The following KLF8 variants were observed in gnomAD, a reference collection of about 807,000 sequenced individuals.
KLF8 encodes Krueppel-like factor 8.
Under a neutral mutation model 18.2 loss-of-function variants are expected in KLF8, and 10 were observed. The ratio of observed to expected loss-of-function variants is 0.55; its 90% CI spans 0.34 to 0.93. The LOEUF is 0.93. Ranked by LOEUF, KLF8 falls within the 40% of genes least tolerant of loss-of-function variation. KLF8 has a pLI of 0.02. For missense variants in KLF8, 264 were observed against 277.9 expected, an observed-to-expected ratio of 0.95 and a Z score of 0.36; for synonymous variants, 109 against 97.3, an observed-to-expected ratio of 1.12 and a Z score of -0.71.
chrX:56,177,738 G>T, the KLF8 span, among the ~76,000 whole-genome samples: 1 of 111,563 alleles, frequency 9.0e-6, no homozygotes, highest in African/African-American at 3.3e-5. Flanking sequence ...CTTGAGCTGA[G>T]GTGGGCTCCA....
chrX:56,067,242 C>G, the KLF8 span, among the ~76,000 whole-genome samples: 1 of 104,553 alleles, frequency 9.6e-6, no homozygotes, highest in African/African-American at 3.4e-5. Flanking sequence ...TACCAGATGC[C>G]TCTAGTCAGC....
the KLF8 span, among the ~76,000 whole-genome samples, chrX:56,040,816 T>G: frequency 1.8e-5 from 1 of 54,258 alleles, no homozygotes; most frequent in African/African-American, 1.2e-4. Context: ...TTTTTTTTTT[T>G]TTTTTTTTTT....
chrX:56,000,907 A>T, the KLF8 span, among the ~76,000 whole-genome samples: 1 of 111,752 alleles, frequency 8.9e-6, no homozygotes, highest in Non-Finnish European at 1.9e-5. Flanking sequence ...AAGCCACTGA[A>T]ACCAGCTCTG....
chrX:55,934,974 G>A, the KLF8 span, among the ~76,000 whole-genome samples: 2 of 111,501 alleles, frequency 1.8e-5, no homozygotes, highest in African/African-American at 6.5e-5. Context: ...AGTTGAAGGG[G>A]AGCCATATGC....
the KLF8 span, among the ~76,000 whole-genome samples, chrX:55,974,224 C>T: frequency 9.0e-6 from 1 of 111,152 alleles, no homozygotes; most frequent in Admixed American, 9.6e-5. Flanking sequence ...AAAAAACTAC[C>T]TGTTGGGTAC....
At chrX:56,263,569 C>T (rs2066917502) in intron 2 of KLF8, among the ~76,000 whole-genome samples, 1 of 111,121 alleles carries the variant, frequency 9.0e-6, no homozygotes, top group African/African-American at 3.3e-5. Flanking sequence ...CACTGCAGCG[C>T]TCTGAGGGTT....
At chrX:56,151,086 C>T in the KLF8 span, among the ~76,000 whole-genome samples, 1 of 110,871 alleles carries the variant, frequency 9.0e-6, no homozygotes, top group African/African-American at 3.3e-5. Flanking sequence ...AATAAGAACT[C>T]TAAGAAGTAT....
At chrX:55,960,256 C>A in the KLF8 span, among the ~76,000 whole-genome samples, 1 of 112,316 alleles carries the variant, frequency 8.9e-6, no homozygotes, top group African/African-American at 3.2e-5. Flanking sequence ...GTGGCTCACG[C>A]CTGTAATCCC....
chrX:55,936,980 C>A, the KLF8 span, among the ~76,000 whole-genome samples: 1 of 111,932 alleles, frequency 8.9e-6, no homozygotes, highest in Non-Finnish European at 1.9e-5. Flanking sequence ...GCAGCAGTAA[C>A]CTTTGCAGAC....
At chrX:55,908,861 C>G in the KLF8 span, 1 of 178,829 alleles carries the variant, frequency 5.6e-6, no homozygotes, top group African/African-American at 2.9e-5. Flanking sequence ...CCTTTTATCA[C>G]CCTCTCTGGG....
chrX:56,151,434 G>T, the KLF8 span, among the ~76,000 whole-genome samples: 1 of 111,626 alleles, frequency 9.0e-6, no homozygotes, highest in Non-Finnish European at 1.9e-5. Flanking sequence ...GAAATGAAGA[G>T]AAGTGAACAG....
the KLF8 span, among the ~76,000 whole-genome samples, chrX:55,910,218 ATTCATTCG>A: frequency 3.6e-5 from 4 of 111,841 alleles, no homozygotes; most frequent in Non-Finnish European, 7.5e-5. Flanking sequence ...ATATTCATTC[ATTCATTCG>A]TTCATTCATT....
At chrX:55,974,938 A>G in the KLF8 span, among the ~76,000 whole-genome samples, 6 of 112,245 alleles carry the variant, frequency 5.3e-5, no homozygotes, top group Non-Finnish European at 1.9e-5. Context: ...TCAGTGTTTT[A>G]CAGTTTTCAT....
chrX:56,147,313 G>T, the KLF8 span, among the ~76,000 whole-genome samples: 1 of 111,651 alleles, frequency 9.0e-6, no homozygotes, highest in Non-Finnish European at 1.9e-5. Context: ...ACTGTAAGGA[G>T]AATTTCTGGG....
the KLF8 span, among the ~76,000 whole-genome samples, chrX:56,081,412 G>T: frequency 2.7e-5 from 3 of 111,799 alleles, no homozygotes; most frequent in East Asian, 8.4e-4. Flanking sequence ...TTATATAAAG[G>T]ATCATGTATT....
the KLF8 span, among the ~76,000 whole-genome samples, chrX:56,221,081 CATA>C: frequency 8.9e-6 from 1 of 111,812 alleles, no homozygotes; most frequent in Non-Finnish European, 1.9e-5. Context: ...TGCACATAAG[CATA>C]ATAAGCCATA....
chrX:56,160,062 G>T, the KLF8 span, among the ~76,000 whole-genome samples: 1 of 111,848 alleles, frequency 8.9e-6, no homozygotes, highest in Non-Finnish European at 1.9e-5. Flanking sequence ...TGCTTTGAAT[G>T]TGTCCCAGAG....
chrX:55,930,853 G>A, the KLF8 span, among the ~76,000 whole-genome samples: 36 of 111,501 alleles, frequency 3.2e-4, no homozygotes, highest in East Asian at 8.4e-4. Flanking sequence ...TCCTTTTTAC[G>A]TTGTGTCTCT....
At chrX:56,225,800 C>T in the KLF8 span, among the ~76,000 whole-genome samples, 8 of 112,131 alleles carry the variant, frequency 7.1e-5, no homozygotes, top group African/African-American at 1.3e-4. Context: ...TAGTAAGTGG[C>T]GAAGTCAGTA....
Sources: allele counts gnomAD v4.1 joint callset (sites outside exome capture counted in the v4.1 genomes callset), GRCh38; gene constraint gnomAD v4.1.1; transcripts MANE v1.5; gene names NCBI Gene and HGNC (gene_info 2026-07-23, HGNC 2026-07-21).